Variants in PRPF8 observed in about 807,000 individuals in gnomAD.
PRPF8 encodes pre-mRNA-processing-splicing factor 8.
PRPF8 carries 64 observed loss-of-function variants against 285.9 expected under a neutral mutation model. That is an observed-to-expected ratio of 0.22 (90% CI 0.18 to 0.28). The LOEUF is 0.28. Among genes scored for constraint, PRPF8 ranks in the 10% least tolerant of loss-of-function variants. The probability of loss-of-function intolerance (pLI) is 1.00; values close to 1 mark genes in which losing one functional copy is unlikely to be tolerated. For missense variants in PRPF8, 1,426 were observed against 3,026.7 expected, an observed-to-expected ratio of 0.47 and a Z score of 12.41; for synonymous variants, 1,325 against 1,118.2, an observed-to-expected ratio of 1.18 and a Z score of -3.69.
chr17:1,659,894 G>C lies in PRPF8; in HGVS notation c.4893C>G (p.Leu1631=). 1 of 1,614,190 alleles carries C rather than the reference G, an allele frequency of 6.2e-7. No individual in the cohort carries two copies. The highest frequency in any genetic ancestry group is 8.5e-7 in the Non-Finnish European group (1 of 1,180,036). The change falls in exon 31 of 43, where the codon CTC becomes CTG. Residue 1631 remains leucine, a synonymous_variant. Transcript: ENST00000304992. This position sits in a 1 kb window ranked among gnomAD's most constrained non-coding sequence, Gnocchi z 5.1. ...AGACATTCCACTTATAGGAGGCAAA[G>C]AGCAGGATATCTGCACAGGAAGAGT... ...KMNSSCADIL[L]FASYKWNVSR... is the part of the protein sequence containing the mutation.
Position 1,677,691 on chromosome 17 carries a change from G to C in PRPF8, c.1858C>G (p.Pro620Ala), listed in dbSNP as rs746901838. 1.2e-6 allele frequency: 2 copies of C among 1,613,716 alleles called. No individual in the cohort carries two copies. Among genetic ancestry groups the C allele is most frequent in the South Asian group, 2.2e-5 (2 of 91,072 alleles). The change falls in exon 14 of 43, where the codon CCT becomes GCT. Residue 620 changes from proline to alanine, a missense_variant. Physicochemically the swap from Pro to Ala is conservative, Grantham distance 27. This residue lies in a region of PRPF8 where 69 missense variants were observed against 134.7 expected (regional missense o/e 0.51). Transcript: ENST00000304992. ...CCACAGCCAGGACCCTTCCCTACAG[G>C]GCCCTACGATCCCAAGCAGAAGTTA... ...HLIYYRFNTGPVGKGPGCGFW... is the reference protein window; with the variant it reads ...HLIYYRFNTGAVGKGPGCGFW...
chr17:1,662,920 T>C (rs754551583), intron 24 of PRPF8, among the ~76,000 whole-genome samples: 1 of 151,454 alleles, frequency 6.6e-6, no homozygotes, highest in Non-Finnish European at 1.5e-5. Flanking sequence ...ATGGTAAGTA[T>C]GTGGGTAAAA....
intron 34 of PRPF8, among the ~76,000 whole-genome samples, chr17:1,657,648 A>C (rs1286884006): frequency 2.7e-5 from 4 of 146,874 alleles, no homozygotes; most frequent in Non-Finnish European, 4.5e-5. Flanking sequence ...TCCGTCTCAA[A>C]AAAAAAAAAA....
Position 1,682,284 on chromosome 17 carries a change from C to T in PRPF8, c.279G>A (p.Lys93=). 6.2e-7 allele frequency: 1 copy of T among 1,614,118 alleles called. No homozygotes were observed. The highest frequency in any genetic ancestry group is 8.5e-7 in the Non-Finnish European group (1 of 1,179,998). The change falls in exon 4 of 43, where the codon AAG becomes AAA. Residue 93 remains lysine (K), a synonymous_variant. Transcript: ENST00000304992. ...HDKRVYLGAL[K]YMPHAVLKLL... The stretch of plus-strand genomic sequence containing the variant: ...GTTTGAGGACTGCGTGGGGCATGTA[C>T]TTTAGGGCACTGGCACATTAGAAAA...
chr17:1,663,868 A>G (rs1911809730), intron 24 of PRPF8, among the ~76,000 whole-genome samples: 1 of 152,164 alleles, frequency 6.6e-6, no homozygotes, highest in Non-Finnish European at 1.5e-5. Flanking sequence ...GATTAAGACA[A>G]AGACTTCAGA....
Position 1,674,556 on chromosome 17 carries a change from G to C in PRPF8, c.3185C>G (p.Ala1062Gly). 1 of 1,614,178 alleles carries C rather than the reference G, an allele frequency of 6.2e-7. No homozygotes were observed. Among genetic ancestry groups the C allele is most frequent in the Non-Finnish European group, 8.5e-7 (1 of 1,180,026 alleles). ...VLGLHRASEM[A>G]GPPQMPNDFL... Reference sequence around the variant, plus strand: ...GTCATTTGGCATCTGAGGGGGCCCAGCCATCTCACTGGCCCGGTGCAATCC... The same window carrying C: ...GTCATTTGGCATCTGAGGGGGCCCACCCATCTCACTGGCCCGGTGCAATCC... Residue 1062 changes from alanine to glycine, a missense_variant, in exon 21 of 43, where the codon GCT becomes GGT. Ala to Gly is a moderately conservative substitution (Grantham distance 60, BLOSUM62 0). Around this residue, in one of 34 missense-constraint regions of PRPF8, gnomAD observed 148 missense variants for 196.2 expected, o/e 0.75. Coordinates refer to ENST00000304992, the MANE Select transcript of PRPF8 (RefSeq NM_006445.4).
chr17:1,659,389 G>A lies in PRPF8; in HGVS notation c.5106C>T (p.Leu1702=). The change falls in exon 32 of 43, where the codon CTC becomes CTT. Residue 1702 remains leucine, a synonymous_variant. Transcript: ENST00000304992. The surrounding 1 kb of genome is among the most constrained non-coding windows in gnomAD (Gnocchi z 5.1). ...MSIYPSPTGV[L]IAIDLAYNLH... ...AGTTATAGGCCAGGTCAATGGCGAT[G>A]AGTACACCTGTGGGCGAAGGGTAGA... 6 of 1,614,112 alleles carry A rather than the reference G, an allele frequency of 3.7e-6. No individual in the cohort carries two copies. In the South Asian group the frequency reaches 5.5e-5, roughly 15 times the overall value.
chr17:1,673,777 G>A lies in PRPF8; in HGVS notation c.3415C>T (p.Arg1139Cys), dbSNP rs1310822598. The A allele has an allele frequency of 1.9e-6, 3 of 1,614,086 alleles. No homozygotes were observed. The highest frequency in any genetic ancestry group is 2.5e-6 in the Non-Finnish European group (3 of 1,180,034). Residue 1139 changes from arginine to cysteine, a missense_variant, in exon 22 of 43, where the codon CGC (arginine) becomes TGC (cysteine). By Grantham distance (180) the Arg-to-Cys change is radical. This residue lies in a region of PRPF8 where 148 missense variants were observed against 196.2 expected (regional missense o/e 0.75). Coordinates refer to ENST00000304992, the MANE Select transcript of PRPF8 (RefSeq NM_006445.4). This position sits in a 1 kb window ranked among gnomAD's most constrained non-coding sequence, Gnocchi z 5.5. The stretch of plus-strand genomic sequence containing the variant: ...ACATCATGTTTCATGAGGCGCATGC[G>A]GGCATCTCGGGGCCAGCACTTCTTG... ...NNKKCWPRDARMRLMKHDVNL... is the reference protein window; with the variant it reads ...NNKKCWPRDACMRLMKHDVNL...
rs1217313001 is a variant in PRPF8, at chr17:1,673,593, A to G, written c.3447-26T>C. ...CTGCCCACAGAGAACACATGGTCAC[A>G]GCAGTTTCTTGGAAGGAACTTCCCT... On this transcript the variant is annotated intron_variant, in intron 22 of 42. Coordinates refer to ENST00000304992, the MANE Select transcript of PRPF8 (RefSeq NM_006445.4). This position sits in a 1 kb window ranked among gnomAD's most constrained non-coding sequence, Gnocchi z 5.5. 5 of 1,613,622 alleles carry G rather than the reference A, an allele frequency of 3.1e-6. No individual in the cohort carries two copies. In the African/African-American group the frequency reaches 6.7e-5, roughly 22 times the overall value.
intron 3 of PRPF8, chr17:1,682,997 A>ATTT (rs568405779): frequency 2.5e-4 from 39 of 158,720 alleles, no homozygotes; most frequent in East Asian, 5.1e-4. Flanking sequence ...CTTATTTTTC[A>ATTT]TTTTTTTTTT....
rs973379707 is a variant in PRPF8, at chr17:1,673,886, T to G, written c.3306A>C (p.Thr1102=). Reference sequence around the variant, plus strand: ...GAATCAGGTCCCGAGCCTCATCTGCTGTGAACCTACACCAGACCAGGTACA... The same window carrying G: ...GAATCAGGTCCCGAGCCTCATCTGCGGTGAACCTACACCAGACCAGGTACA... ...IDRIHIFFRF[T]ADEARDLIQR... Residue 1102 remains threonine, a synonymous_variant, in exon 22 of 43, where the codon ACA becomes ACC. Coordinates refer to ENST00000304992, the MANE Select transcript of PRPF8 (RefSeq NM_006445.4). This position sits in a 1 kb window ranked among gnomAD's most constrained non-coding sequence, Gnocchi z 5.5. The G allele has an allele frequency of 6.2e-7, 1 of 1,613,196 alleles. No individual in the cohort carries two copies. The highest frequency in any genetic ancestry group is 8.5e-7 in the Non-Finnish European group (1 of 1,180,036).
At position 1,660,678 on chromosome 17, in the gene PRPF8, C is replaced by T; in HGVS notation, c.4638+20G>A. 6.2e-7 allele frequency: 1 copy of T among 1,614,192 alleles called. No individual in the cohort carries two copies. Among genetic ancestry groups the T allele is most frequent in the Non-Finnish European group, 8.5e-7 (1 of 1,180,042 alleles). On this transcript the variant is annotated intron_variant, in intron 29 of 42. Transcript: ENST00000304992. ...AGCAACTGTCTTTAGCTTCCCCTCTCCAGTGTCAATCACACTCACATTGGC... is the reference window on the plus strand; with the variant it reads ...AGCAACTGTCTTTAGCTTCCCCTCTTCAGTGTCAATCACACTCACATTGGC...
chr17:1,683,349 G>C (rs527357346), intron 3 of PRPF8, 184 bp downstream of exon 3: 2 of 706,900 alleles, frequency 2.8e-6, no homozygotes, highest in African/African-American at 3.6e-5. Flanking sequence ...GTCCCAGATC[G>C]GGAAGAGAGG....
chr17:1,679,656 G>C lies in PRPF8; in HGVS notation c.1242C>G (p.Arg414=), dbSNP rs748950417. The stretch of plus-strand genomic sequence containing the variant: ...CCAGGGCCCGACGGGTGCGACCAGA[G>C]CGTAGGTTGAAGGGCCGCGGGGCCC... ...LLWAPRPFNL[R]SGRTRRALDI... is the part of the protein sequence containing the mutation. The change falls in exon 9 of 43, where the codon CGC becomes CGG. Residue 414 remains arginine, a synonymous_variant. Transcript: ENST00000304992. This position sits in a 1 kb window ranked among gnomAD's most constrained non-coding sequence, Gnocchi z 4.7. 2 of 1,614,126 alleles carry C rather than the reference G, an allele frequency of 1.2e-6. No individual in the cohort carries two copies. Among genetic ancestry groups the C allele is most frequent in the Non-Finnish European group, 1.7e-6 (2 of 1,180,018 alleles).
In PRPF8 at chr17:1,675,509, T is replaced by C. The variant is rs543240428; in HGVS notation, c.2872+111A>G. ...AGTTTAACACGAACACTACTTCCCT[T>C]TACTACCACGCATCAAGAGAGTAAA... On this transcript the variant is annotated intron_variant, in intron 19 of 42. Transcript: ENST00000304992. The surrounding 1 kb of genome is among the most constrained non-coding windows in gnomAD (Gnocchi z 6.0). The C allele has an allele frequency of 2.0e-3, 2,934 of 1,488,666 alleles. 86 individuals carry two copies. The South Asian group carries it at 0.031, about 16-fold the overall frequency. 92.2% of individuals were successfully genotyped at this position (1,488,666 alleles called of 1,614,324 possible).
At position 1,651,128 on chromosome 17, in the gene PRPF8, G is replaced by A. The variant is rs1327478855; in HGVS notation, c.6833C>T (p.Ser2278Leu). The A allele has an allele frequency of 3.1e-6, 5 of 1,614,102 alleles. No homozygotes were observed. The highest frequency in any genetic ancestry group is 1.3e-5 in the African/African-American group (1 of 74,996). ...LGFFMVPAQS[S>L]WNYNFMGVRH... ...CTTACCCATGAAGTTGTAGTTCCAC[G>A]AGGACTGGGCAGGGACCATGAAGAA... Residue 2278 changes from serine (S) to leucine (L), a missense_variant, in exon 42 of 43, where the codon TCG (serine) becomes TTG (leucine). Around this residue, in one of 34 missense-constraint regions of PRPF8, gnomAD observed 160 missense variants for 373.7 expected, o/e 0.43. Transcript: ENST00000304992. The surrounding 1 kb of genome is among the most constrained non-coding windows in gnomAD (Gnocchi z 5.1).
intron 24 of PRPF8, among the ~76,000 whole-genome samples, chr17:1,669,547 GACAA>G (rs530185072): frequency 2.0e-4 from 31 of 152,252 alleles, no homozygotes; most frequent in African/African-American, 5.1e-4. Flanking sequence ...CTCTTCAACT[GACAA>G]ACAGATTGTC....
At chr17:1,656,888 A>C in intron 34 of PRPF8, 127 bp from the exon 35 acceptor site, 1 of 892,778 alleles carries the variant, frequency 1.1e-6, no homozygotes, top group Non-Finnish European at 1.8e-6. Flanking sequence ...AATGTTAGGC[A>C]CTTAGAAGGT....
rs544838648 is a variant in PRPF8, at chr17:1,658,830, C to T, written c.5139-67G>A. 4.1e-4 allele frequency: 565 copies of T among 1,363,852 alleles called. No homozygotes were observed. Among genetic ancestry groups the T allele is most frequent in the Non-Finnish European group, 5.6e-4 (536 of 952,880 alleles). 84.5% of individuals were successfully genotyped at this position (1,363,852 alleles called of 1,614,324 possible). A position where few individuals can be genotyped will look rare whatever the true frequency, so the allele number is the denominator to read the frequency against. On this transcript the variant is annotated intron_variant, in intron 32 of 42. Transcript: ENST00000304992. This position sits in a 1 kb window ranked among gnomAD's most constrained non-coding sequence, Gnocchi z 4.1. ...ACAGCCCCAGAAACAAGACAAGCTG[C>T]CAACTCTACAGAGGAAGAAAGACTG...
Sources: gnomAD v4.1 joint callset for allele counts (sites outside exome capture counted in the v4.1 genomes callset) on GRCh38, gnomAD v4.1.1 for gene constraint, gnomAD v4.1.1 regional missense constraint, Gnocchi (gnomAD v3.1) non-coding constraint, MANE v1.5 for transcripts, NCBI Gene and HGNC (gene_info 2026-07-23, HGNC 2026-07-21) for gene names.